Variants in RNF43 observed in about 807,000 individuals in gnomAD.
RNF43 encodes ring finger protein 43.
RNF43 carries 37 observed loss-of-function variants against 78.4 expected under a neutral mutation model. That is an observed-to-expected ratio of 0.47 (90% CI 0.36 to 0.62). The LOEUF (loss-of-function observed/expected upper bound fraction) is 0.62. Among genes scored for constraint, RNF43 ranks in the 20% least tolerant of loss-of-function variants. The pLI is 0.00. For missense variants in RNF43, 774 were observed against 1,007.9 expected (o/e 0.77, Z 3.14); for synonymous variants, 347 against 395.0 (o/e 0.88, Z 1.44).
At position 58,358,045 on chromosome 17, in the gene RNF43, C is replaced by A. The variant is rs2143401929; in HGVS notation, c.1731G>T (p.Gln577His). The A allele has an allele frequency of 6.3e-7, 1 of 1,590,354 alleles. No homozygotes were observed. Among genetic ancestry groups the A allele is most frequent in the Non-Finnish European group, 8.6e-7 (1 of 1,168,746 alleles). Residue 577 changes from glutamine to histidine, a missense_variant, in exon 9 of 10, where the codon CAG becomes CAT. Transcript: ENST00000407977. The surrounding 1 kb of genome is among the most constrained non-coding windows in gnomAD (Gnocchi z 6.2). Reference sequence around the variant, plus strand: ...GTGTCCGAGGAATAGGAGGCCTGGACTGGGGGACTCCGGTTTCTGGGCCAG... The same window carrying A: ...GTGTCCGAGGAATAGGAGGCCTGGAATGGGGGACTCCGGTTTCTGGGCCAG... ...RKPGPETGVP[Q>H]SRPPIPRTQP...
At chr17:58,411,649 A>G (rs950856666) in intron 2 of RNF43, among the ~76,000 whole-genome samples, 1 of 152,176 alleles carries the variant, frequency 6.6e-6, no homozygotes, top group South Asian at 2.1e-4. Context: ...TAACCAGCTG[A>G]GCAGGAAGAG....
chr17:58,397,360 G>A (rs1440300266), intron 2 of RNF43, among the ~76,000 whole-genome samples: 2 of 152,042 alleles, frequency 1.3e-5, no homozygotes, highest in Admixed American at 6.6e-5. Context: ...AGCACAAGTC[G>A]CTAATAATAA....
intron 2 of RNF43, 70 bp from the exon 3 acceptor site, chr17:58,371,103 C>CCTG: frequency 7.1e-7 from 1 of 1,413,664 alleles, no homozygotes; most frequent in South Asian, 1.6e-5. Context: ...AGCCATATAC[C>CCTG]TCTCCATTTT....
At chr17:58,371,596 C>G (rs146276189) in intron 2 of RNF43, among the ~76,000 whole-genome samples, 1 of 152,396 alleles carries the variant, frequency 6.6e-6, no homozygotes, top group African/African-American at 2.4e-5. Context: ...CCTTGCTTCT[C>G]TCACTAGCCC....
In RNF43 at chr17:58,358,221, G is replaced by T. The variant is rs747063415; in HGVS notation, c.1555C>A (p.Arg519=). ...GTCACACTAGGCTGCATGTCCACTC[G>T]CTGGGGATCCCCTTTAGGGCTGCAG... is the stretch of plus-strand genomic sequence containing the variant. ...VYCSPKGDPQ[R]VDMQPSVTSR... The change falls in exon 9 of 10, where the codon CGA becomes AGA. Residue 519 remains arginine, a synonymous_variant. Coordinates refer to ENST00000407977, the MANE Select transcript of RNF43 (RefSeq NM_017763.6). The surrounding 1 kb of genome is among the most constrained non-coding windows in gnomAD (Gnocchi z 6.2). 2 of 1,613,376 alleles carry T rather than the reference G, an allele frequency of 1.2e-6. No individual in the cohort carries two copies. Among genetic ancestry groups the T allele is most frequent in the Non-Finnish European group, 1.7e-6 (2 of 1,179,686 alleles).
In RNF43 at chr17:58,360,929, T is replaced by G. The variant is rs745979385; in HGVS notation, c.703A>C (p.Arg235=). 1.3e-6 allele frequency: 2 copies of G among 1,586,514 alleles called. No individual in the cohort carries two copies. The highest frequency in any genetic ancestry group is 4.6e-5 in the East Asian group (2 of 43,696). ...AGCTGGCTGATGGCCCAGGCTGTTC[T>G]CTGCTGAAGCGGATCCTGGGAAGAG... ...RHSRPDPLQQ[R]TAWAISQLAT... The change falls in exon 7 of 10, where the codon AGA becomes CGA. Residue 235 remains arginine (R), a synonymous_variant. Transcript: ENST00000407977. This position sits in a 1 kb window ranked among gnomAD's most constrained non-coding sequence, Gnocchi z 4.3.
At chr17:58,371,760 C>T (rs1311183262) in intron 2 of RNF43, among the ~76,000 whole-genome samples, 1 of 152,222 alleles carries the variant, frequency 6.6e-6, no homozygotes, top group African/African-American at 2.4e-5. Context: ...CAGCCCAGCC[C>T]ATCTGCTCTA....
intron 2 of RNF43, among the ~76,000 whole-genome samples, chr17:58,385,587 T>C (rs1018494256): frequency 1.3e-5 from 2 of 152,212 alleles, no homozygotes; most frequent in African/African-American, 4.8e-5. Context: ...TCAAGAACAA[T>C]CTTCCTAGAC....
chr17:58,358,560 C>G lies in RNF43; in HGVS notation c.1216G>C (p.Ala406Pro), dbSNP rs2143419707. Residue 406 changes from alanine (A) to proline (P), a missense_variant, in exon 9 of 10, where the codon GCA becomes CCA. By Grantham distance (27) the Ala-to-Pro change is conservative (BLOSUM62 -1). Transcript: ENST00000407977. This position sits in a 1 kb window ranked among gnomAD's most constrained non-coding sequence, Gnocchi z 6.2. ...PRAPGEQQRL[A>P]GAQHPYAQGW... ...TGTGCATAGGGGTGCTGGGCTCCTG[C>G]CAGGCGCTGCTGCTCTCCTGGAGCC... 6.2e-7 allele frequency: 1 copy of G among 1,607,458 alleles called. No individual in the cohort carries two copies. Among genetic ancestry groups the G allele is most frequent in the Non-Finnish European group, 8.5e-7 (1 of 1,176,472 alleles).
At chr17:58,365,672 C>T (rs1242208020) in intron 3 of RNF43, among the ~76,000 whole-genome samples, 1 of 152,138 alleles carries the variant, frequency 6.6e-6, no homozygotes, top group Non-Finnish European at 1.5e-5. Flanking sequence ...GATAGCAGTC[C>T]AATCTAGGGC....
intron 2 of RNF43, among the ~76,000 whole-genome samples, chr17:58,387,669 AAC>A (rs1010441424): frequency 3.3e-5 from 5 of 152,154 alleles, no homozygotes; most frequent in African/African-American, 9.7e-5. Context: ...TCAAAAAAAA[AAC>A]AAAAAAACAA....
At position 58,358,049 on chromosome 17, in the gene RNF43, G is replaced by A. The variant is rs2143402029; in HGVS notation, c.1727C>T (p.Pro576Leu). The stretch of plus-strand genomic sequence containing the variant: ...CCGAGGAATAGGAGGCCTGGACTGG[G>A]GGACTCCGGTTTCTGGGCCAGGCTT... ...GRKPGPETGV[P>L]QSRPPIPRTQ... The change falls in exon 9 of 10, where the codon CCC becomes CTC. Residue 576 changes from proline to leucine, a missense_variant. Transcript: ENST00000407977. This position sits in a 1 kb window ranked among gnomAD's most constrained non-coding sequence, Gnocchi z 6.2. The A allele has an allele frequency of 6.3e-7, 1 of 1,590,854 alleles. No homozygotes were observed. Among genetic ancestry groups the A allele is most frequent in the Non-Finnish European group, 8.6e-7 (1 of 1,168,966 alleles).
intron 2 of RNF43, among the ~76,000 whole-genome samples, chr17:58,401,934 C>CT (rs1778512056): frequency 6.6e-6 from 1 of 152,154 alleles, no homozygotes; most frequent in Admixed American, 6.5e-5. Flanking sequence ...CTTCCCAGAT[C>CT]CTACCTTACC....
In RNF43 at chr17:58,415,393, T is replaced by C. The variant is rs1206047972; in HGVS notation, c.185A>G (p.Asn62Ser). The C allele has an allele frequency of 5.6e-6, 9 of 1,614,104 alleles. No homozygotes were observed. The highest frequency in any genetic ancestry group is 4.0e-5 in the African/African-American group (3 of 74,950). The change falls in exon 2 of 10, where the codon AAT (asparagine) becomes AGT (serine). Residue 62 changes from asparagine to serine, a missense_variant. Transcript: ENST00000407977. ...AGCAAACACACCTTCCAAAGTGAGATTCAGTTTTCCTGTGGGGTCCATTTT... is the reference window on the plus strand; with the variant it reads ...AGCAAACACACCTTCCAAAGTGAGACTCAGTTTTCCTGTGGGGTCCATTTT... Reference protein sequence around the residue: ...PLKMDPTGKLNLTLEGVFAGV... With the variant: ...PLKMDPTGKLSLTLEGVFAGV...
At chr17:58,352,984 T>G, downstream of RNF43, 1 of 218,014 alleles carries the variant, frequency 4.6e-6, no homozygotes, top group East Asian at 6.7e-5. Flanking sequence ...AACTTGTGCC[T>G]TGTGAGGAAG....
At chr17:58,363,685 A>G in intron 3 of RNF43, 85 bp from the exon 4 acceptor site, 4 of 1,138,996 alleles carry the variant, frequency 3.5e-6, no homozygotes, top group Non-Finnish European at 5.1e-6. Context: ...TCACACATCT[A>G]TCCCTTCCTA....
chr17:58,372,642 G>C (rs1973123871), intron 2 of RNF43, among the ~76,000 whole-genome samples: 1 of 152,204 alleles, frequency 6.6e-6, no homozygotes, highest in African/African-American at 2.4e-5. Context: ...TTGCCTTAAA[G>C]CAGCTCAAAA....
intron 2 of RNF43, among the ~76,000 whole-genome samples, chr17:58,372,023 T>C (rs1043210043): frequency 1.1e-4 from 17 of 152,332 alleles, no homozygotes; most frequent in African/African-American, 2.4e-4. Flanking sequence ...GGGACTCCTA[T>C]ATAGTAGAAA....
chr17:58,362,259 A>C (rs1436449616), intron 6 of RNF43, among the ~76,000 whole-genome samples: 1 of 152,124 alleles, frequency 6.6e-6, no homozygotes, highest in African/African-American at 2.4e-5. Context: ...CTCTAGAATA[A>C]AAAAGCTCTT....
Sources: allele counts gnomAD v4.1 joint callset (sites outside exome capture counted in the v4.1 genomes callset), GRCh38; gene constraint gnomAD v4.1.1; non-coding constraint Gnocchi (gnomAD v3.1); transcripts MANE v1.5; gene names NCBI Gene and HGNC (gene_info 2026-07-23, HGNC 2026-07-21).